Variants in OXR1 observed in about 807,000 individuals in gnomAD.
OXR1 encodes oxidation resistance protein 1.
In OXR1, 41 loss-of-function variants were observed where a neutral mutation model predicts 104.6. That is an observed-to-expected ratio of 0.39 (90% CI 0.31 to 0.51). The LOEUF is 0.51. OXR1 is among the 20% of genes least tolerant of loss of function. The probability of loss-of-function intolerance (pLI) is 0.77; values close to 1 mark genes in which losing one functional copy is unlikely to be tolerated. For missense variants in OXR1, 955 were observed against 1,031.9 expected (o/e 0.93, Z 1.02); for synonymous variants, 348 against 348.4 (o/e 1.00, Z 0.01).
intron 2 of OXR1, among the ~76,000 whole-genome samples, chr8:106,369,235 T>G (rs1023181319): frequency 6.6e-6 from 1 of 152,238 alleles, no homozygotes; most frequent in African/African-American, 2.4e-5. Context: ...GCCCACTTTT[T>G]GATGGGGTTG....
At chr8:106,554,940 C>T (rs1323601898) in intron 3 of OXR1, among the ~76,000 whole-genome samples, 1 of 152,044 alleles carries the variant, frequency 6.6e-6, no homozygotes, top group Non-Finnish European at 1.5e-5. Flanking sequence ...AAGTATACAA[C>T]AGGATATCTA....
chr8:106,717,067 T>C (rs1832338206), intron 11 of OXR1, among the ~76,000 whole-genome samples: 1 of 152,108 alleles, frequency 6.6e-6, no homozygotes, highest in Non-Finnish European at 1.5e-5. Flanking sequence ...ACGCCTGTAG[T>C]CCCAGTTGCT....
At chr8:106,573,233 C>A (rs1321260715) in intron 3 of OXR1, among the ~76,000 whole-genome samples, 1 of 151,996 alleles carries the variant, frequency 6.6e-6, no homozygotes, top group African/African-American at 2.4e-5. Flanking sequence ...TGAAATTCAT[C>A]AAGAACCACC....
chr8:106,726,258 G>C (rs145739822), intron 11 of OXR1: 2 of 1,527,206 alleles, frequency 1.3e-6, no homozygotes, highest in Middle Eastern at 1.7e-4. Flanking sequence ...CTCGTCTCTG[G>C]TATGGGAAAA....
chr8:106,555,425 G>A (rs1363408485), intron 3 of OXR1, among the ~76,000 whole-genome samples: 1 of 152,156 alleles, frequency 6.6e-6, no homozygotes, highest in Non-Finnish European at 1.5e-5. Context: ...TATCAGAAAA[G>A]TTTGGGAAGT....
rs1425515711 is a variant in OXR1 at position 106,750,956 on chromosome 8, G to C, written c.*15G>C. The C allele has an allele frequency of 2.1e-5, 34 of 1,587,966 alleles. No individual in the cohort carries two copies. The highest frequency in any genetic ancestry group is 2.8e-5 in the Non-Finnish European group (33 of 1,169,880). On this transcript the variant is annotated 3_prime_UTR_variant, in exon 17 of 17. Coordinates refer to ENST00000517566, the MANE Select transcript of OXR1 (RefSeq NM_001198533.2). Reference sequence around the variant, plus strand: ...CTTTTGAATAAATAAAATGCTCTCTGTCTTAGCAGGAGAATGGCCCAAACC... The same window carrying C: ...CTTTTGAATAAATAAAATGCTCTCTCTCTTAGCAGGAGAATGGCCCAAACC...
At chr8:106,524,072 G>A (rs1813467888) in intron 3 of OXR1, among the ~76,000 whole-genome samples, 1 of 152,052 alleles carries the variant, frequency 6.6e-6, no homozygotes, top group South Asian at 2.1e-4. Context: ...CACCATCCCT[G>A]GCCTGGAGTG....
chr8:106,347,214 T>A (rs1815530899), intron 1 of OXR1, among the ~76,000 whole-genome samples: 1 of 152,210 alleles, frequency 6.6e-6, no homozygotes, highest in Admixed American at 6.5e-5. Context: ...TTGTATATTT[T>A]CCAATAATGC....
At chr8:106,432,736 G>A (rs957597480) in intron 2 of OXR1, among the ~76,000 whole-genome samples, 2 of 151,930 alleles carry the variant, frequency 1.3e-5, no homozygotes, top group Non-Finnish European at 2.9e-5. Context: ...TCTGTTTTCT[G>A]TCTATTCCCT....
intron 2 of OXR1, among the ~76,000 whole-genome samples, chr8:106,458,879 A>C (rs989729333): frequency 2.0e-5 from 3 of 152,052 alleles, no homozygotes. Context: ...TACCTGTCCT[A>C]CCATTGTTTT....
At chr8:106,679,938 G>C (rs545522413) in intron 4 of OXR1, among the ~76,000 whole-genome samples, 1 of 152,022 alleles carries the variant, frequency 6.6e-6, no homozygotes, top group African/African-American at 2.4e-5. Flanking sequence ...GTGTTGTAAA[G>C]CACTTTTAAC....
chr8:106,549,651 G>A (rs534779206), intron 3 of OXR1, among the ~76,000 whole-genome samples: 111 of 152,240 alleles, frequency 7.3e-4, no homozygotes, highest in Admixed American at 1.8e-3. Context: ...CAAGATCAAC[G>A]CACCTGCAGA....
At chr8:106,344,380 C>T (rs560530819) in intron 1 of OXR1, among the ~76,000 whole-genome samples, 1 of 152,308 alleles carries the variant, frequency 6.6e-6, no homozygotes, top group East Asian at 1.9e-4. Context: ...CTCTGTCACT[C>T]AAGCTGGAGA....
chr8:106,523,347 T>C (rs895721407), intron 3 of OXR1, among the ~76,000 whole-genome samples: 1 of 152,246 alleles, frequency 6.6e-6, no homozygotes, highest in Middle Eastern at 3.4e-3. Flanking sequence ...CCTGGAGTTA[T>C]GCAGGTATGT....
At chr8:106,728,928 A>G (rs2131508472) in intron 11 of OXR1, among the ~76,000 whole-genome samples, 1 of 152,258 alleles carries the variant, frequency 6.6e-6, no homozygotes, top group South Asian at 2.1e-4. Flanking sequence ...CTTTTTTTAA[A>G]TTTAGGCTTT....
At chr8:106,672,813 C>T (rs1255027121) in intron 3 of OXR1, among the ~76,000 whole-genome samples, 1 of 152,102 alleles carries the variant, frequency 6.6e-6, no homozygotes, top group African/African-American at 2.4e-5. Context: ...TTTGATAATT[C>T]CTCCTGCCTT....
At chr8:106,616,132 C>T (rs753537788) in intron 3 of OXR1, among the ~76,000 whole-genome samples, 5 of 149,476 alleles carry the variant, frequency 3.3e-5, no homozygotes, top group Non-Finnish European at 5.9e-5. Flanking sequence ...AGCTCCGCCT[C>T]CCAGGTTCAC....
chr8:106,581,498 T>G (rs187921116), intron 3 of OXR1, among the ~76,000 whole-genome samples: 8 of 148,934 alleles, frequency 5.4e-5, no homozygotes, highest in African/African-American at 1.2e-4. Context: ...TGATTCTGTG[T>G]TTTTTTTTTA....
chr8:106,617,947 A>T, intron 3 of OXR1: 4 of 898,618 alleles, frequency 4.5e-6, no homozygotes, highest in Non-Finnish European at 5.3e-6. Flanking sequence ...GTCCACAGTC[A>T]CAGGGCAGGT....
Sources: allele counts gnomAD v4.1 joint callset (sites outside exome capture counted in the v4.1 genomes callset), GRCh38; gene constraint gnomAD v4.1.1; transcripts MANE v1.5; gene names NCBI Gene and HGNC (gene_info 2026-07-23, HGNC 2026-07-21).